NOM1: variants seen among roughly 807,000 people sequenced by gnomAD.
The protein encoded by NOM1 is nucleolar protein with MIF4G domain 1.
Under a neutral mutation model 73.3 loss-of-function variants are expected in NOM1, and 58 were observed. That is an observed-to-expected ratio of 0.79 (90% confidence interval 0.64 to 0.99). The LOEUF (loss-of-function observed/expected upper bound fraction) is 0.99. Among genes scored for constraint, NOM1 ranks in the 50% least tolerant of loss-of-function variants. NOM1 has a pLI of 0.00. For missense variants in NOM1, 1,226 were observed against 1,131.9 expected (o/e 1.08, Z -1.19); for synonymous variants, 487 against 446.8 (o/e 1.09, Z -1.14).
At chr7:156,968,936 T>C in intron 9 of NOM1, 151 bp from the exon 10 acceptor site, 1 of 597,556 alleles carries the variant, frequency 1.7e-6, no homozygotes, top group Non-Finnish European at 3.0e-6. Flanking sequence ...CAACAGGTGT[T>C]CATTTCTTAG....
chr7:156,953,763 C>T (rs190363449), intron 2 of NOM1, among the ~76,000 whole-genome samples: 4 of 152,192 alleles, frequency 2.6e-5, no homozygotes, highest in African/African-American at 7.2e-5. Context: ...TCTAACAACA[C>T]GTCCTAAGGC....
At chr7:156,964,135 A>G (rs1586573810) in intron 7 of NOM1, 109 bp downstream of exon 7, 3 of 1,185,838 alleles carry the variant, frequency 2.5e-6, no homozygotes, top group East Asian at 2.5e-5. Flanking sequence ...CCTAGGGAGG[A>G]CTGGGCTGTT....
At chr7:156,962,041 G>A (rs776645729) in intron 4 of NOM1, 110 bp from the exon 5 acceptor site, 205 of 803,558 alleles carry the variant, frequency 2.6e-4, no homozygotes, top group Middle Eastern at 4.7e-4. Context: ...ACTTTGTATC[G>A]TGGCGGTGGC....
intron 3 of NOM1, among the ~76,000 whole-genome samples, chr7:156,957,900 G>C (rs1181073534): frequency 6.6e-6 from 1 of 151,904 alleles, no homozygotes; most frequent in Non-Finnish European, 1.5e-5. Context: ...CTATAACATG[G>C]TTGCCATAAT....
intron 6 of NOM1, 198 bp downstream of exon 6, chr7:156,963,373 T>C (rs527599221): frequency 1.6e-6 from 1 of 642,520 alleles, no homozygotes; most frequent in Non-Finnish European, 2.7e-6. Flanking sequence ...TATCTTTTTA[T>C]TGGACTTTAA....
chr7:156,949,774 G>T lies in NOM1; in HGVS notation c.37G>T (p.Gly13Cys), dbSNP rs1184519957. Residue 13 changes from glycine to cysteine, a missense_variant, in exon 1 of 11, where the codon GGC (glycine) becomes TGC (cysteine). Physicochemically the swap from Gly to Cys is radical, Grantham distance 159. Coordinates refer to ENST00000275820, the MANE Select transcript of NOM1 (RefSeq NM_138400.2). ...CAGGAGCGCGGGAGAGGCCGGCCCGGGCGGCTCCCAGGGACGCGTGGTCCG... is the reference window on the plus strand; with the variant it reads ...CAGGAGCGCGGGAGAGGCCGGCCCGTGCGGCTCCCAGGGACGCGTGGTCCG... ...ASRSAGEAGP[G>C]GSQGRVVRMK... 1 of 1,404,986 alleles carries T rather than the reference G, an allele frequency of 7.1e-7. No homozygotes were observed. The highest frequency in any genetic ancestry group is 9.2e-7 in the Non-Finnish European group (1 of 1,084,922). 87.0% of individuals were successfully genotyped at this position (1,404,986 alleles called of 1,614,324 possible).
At chr7:156,964,666 A>G (rs1052989445) in intron 7 of NOM1, among the ~76,000 whole-genome samples, 1 of 152,166 alleles carries the variant, frequency 6.6e-6, no homozygotes, top group African/African-American at 2.4e-5. Flanking sequence ...ATATTCTTTT[A>G]TTTGCTTCAA....
Position 156,966,324 on chromosome 7 carries a change from C to T in NOM1, c.2088C>T (p.Cys696=). ...AAATCATTCACGTTCTCATGGATTG[C>T]TGCCTTCAAGAGAAAACTTACAATC... The part of the protein sequence containing the change: ...EREIIHVLMD[C]CLQEKTYNPF... Residue 696 remains cysteine, a synonymous_variant, in exon 8 of 11, where the codon TGC becomes TGT. Coordinates refer to ENST00000275820, the MANE Select transcript of NOM1 (RefSeq NM_138400.2). The T allele has an allele frequency of 6.2e-7, 1 of 1,614,102 alleles. No homozygotes were observed. Among genetic ancestry groups the T allele is most frequent in the Non-Finnish European group, 8.5e-7 (1 of 1,179,964 alleles).
At chr7:156,966,454 C>T (rs748406085) in intron 8 of NOM1, 52 bp downstream of exon 8, 17 of 1,604,744 alleles carry the variant, frequency 1.1e-5, no homozygotes, top group Non-Finnish European at 1.4e-5. Context: ...TTTTTCTACA[C>T]AGGCTACCTG....
At chr7:156,966,174 G>A in intron 7 of NOM1, 96 bp from the exon 8 acceptor site, 1 of 1,516,356 alleles carries the variant, frequency 6.6e-7, no homozygotes, top group Non-Finnish European at 9.0e-7. Flanking sequence ...CCTCTAACCA[G>A]ACCCTTCCAG....
intron 6 of NOM1, 71 bp from the exon 7 acceptor site, chr7:156,963,834 A>C (rs1276919008): frequency 2.6e-6 from 4 of 1,545,494 alleles, no homozygotes; most frequent in Non-Finnish European, 3.5e-6. Context: ...ACTGAAGTAC[A>C]GTTTGGCACC....
intron 4 of NOM1, among the ~76,000 whole-genome samples, chr7:156,961,254 C>T (rs1224375530): frequency 6.6e-6 from 1 of 152,008 alleles, no homozygotes; most frequent in Non-Finnish European, 1.5e-5. Flanking sequence ...CACTAGTGTC[C>T]CCAGGAAGAA....
Position 156,954,307 on chromosome 7 carries a change from G to T in NOM1, c.1308+9G>T. On this transcript the variant is annotated intron_variant, in intron 3 of 10. Coordinates refer to ENST00000275820, the MANE Select transcript of NOM1 (RefSeq NM_138400.2). ...ACACAGTTGGAATCGAGGTACAGTT[G>T]TACCTTTTCTCCAGGCTGTCACTAG... is the stretch of plus-strand genomic sequence containing the variant. 1 of 1,569,230 alleles carries T rather than the reference G, an allele frequency of 6.4e-7. No individual in the cohort carries two copies. The highest frequency in any genetic ancestry group is 8.6e-7 in the Non-Finnish European group (1 of 1,157,912).
At position 156,963,029 on chromosome 7, in the gene NOM1, T is replaced by C. The variant is rs758053177; in HGVS notation, c.1765T>C (p.Ser589Pro). Reference sequence around the variant, plus strand: ...TCAGGTCCGCAACGCCGGCTCAGGTTCTGAGACGCAGCTTCGCGTCTCCTG... The same window carrying C: ...TCAGGTCCGCAACGCCGGCTCAGGTCCTGAGACGCAGCTTCGCGTCTCCTG... ...RALVRNAGSG[S>P]ETQLRVSWDS... Residue 589 changes from serine (S) to proline (P), a missense_variant, in exon 6 of 11, where the codon TCT becomes CCT. By Grantham distance (74) the Ser-to-Pro change is moderately conservative. Transcript: ENST00000275820. 6.2e-7 allele frequency: 1 copy of C among 1,613,210 alleles called. No homozygotes were observed. Among genetic ancestry groups the C allele is most frequent in the African/African-American group, 1.3e-5 (1 of 74,936 alleles).
chr7:156,955,324 A>T (rs1023018843), intron 3 of NOM1, among the ~76,000 whole-genome samples: 1 of 152,200 alleles, frequency 6.6e-6, no homozygotes, highest in African/African-American at 2.4e-5. Flanking sequence ...CCCCCAAGGT[A>T]GCTGATTTCA....
In NOM1 at chr7:156,971,450, C is replaced by G. The variant is rs1377019428; in HGVS notation, c.*1747C>G. On this transcript the variant is annotated 3_prime_UTR_variant, in exon 11 of 11. Transcript: ENST00000275820. Reference sequence around the variant, plus strand: ...TCACCCAGGCCAGAGTGCAGTGGCACGATCATAGTTACCGCAGCATCAAAT... The same window carrying G: ...TCACCCAGGCCAGAGTGCAGTGGCAGGATCATAGTTACCGCAGCATCAAAT... 6.6e-6 allele frequency: 1 copy of G among 151,722 alleles called. No homozygotes were observed. The highest frequency in any genetic ancestry group is 1.5e-5 in the Non-Finnish European group (1 of 67,788). The allele number at this position is 151,722 out of a possible 1,614,324, so 9.4% of individuals were successfully genotyped here.
At position 156,966,349 on chromosome 7, in the gene NOM1, C is replaced by T. The variant is rs1172493997; in HGVS notation, c.2113C>T (p.Pro705Ser). ...CTGCCTTCAAGAGAAAACTTACAAT[C>T]CCTTCTATGCTTTCCTGGCTAGCAA... ...DCCLQEKTYNPFYAFLASKFC... is the reference protein window; with the variant it reads ...DCCLQEKTYNSFYAFLASKFC... Residue 705 changes from proline (P) to serine (S), a missense_variant, in exon 8 of 11, where the codon CCC becomes TCC. Transcript: ENST00000275820. 1 of 1,614,208 alleles carries T rather than the reference C, an allele frequency of 6.2e-7. No individual in the cohort carries two copies.
chr7:156,963,467 C>T (rs1313139763), intron 6 of NOM1: 4 of 488,976 alleles, frequency 8.2e-6, no homozygotes, highest in African/African-American at 7.8e-5. Context: ...TGCTGAGACC[C>T]CTCAGGCTGC....
chr7:156,956,510 T>C (rs1804730732), intron 3 of NOM1, among the ~76,000 whole-genome samples: 1 of 152,256 alleles, frequency 6.6e-6, no homozygotes, highest in East Asian at 1.9e-4. Context: ...GGCTGGCTTT[T>C]CCTACCACTG....
Sources: allele counts gnomAD v4.1 joint callset (sites outside exome capture counted in the v4.1 genomes callset), GRCh38; gene constraint gnomAD v4.1.1; transcripts MANE v1.5; gene names NCBI Gene and HGNC (gene_info 2026-07-23, HGNC 2026-07-21).